FAM131B: variants seen among roughly 807,000 people sequenced by gnomAD.
FAM131B encodes the protein protein FAM131B.
In FAM131B, 19 loss-of-function variants were observed where a neutral mutation model predicts 42.0. That is an observed-to-expected ratio of 0.45 (90% CI 0.32 to 0.66). FAM131B has a LOEUF of 0.66. Ranked by LOEUF, FAM131B falls within the 30% of genes least tolerant of loss-of-function variation. The pLI, the probability that FAM131B is intolerant of heterozygous loss-of-function variation, is 0.05. For synonymous variants in FAM131B, 183 were observed against 177.6 expected, an observed-to-expected ratio of 1.03 and a Z score of -0.24; for missense variants, 370 against 468.4, an observed-to-expected ratio of 0.79 and a Z score of 1.94.
rs1803643943 is a variant in FAM131B at position 143,356,286 on chromosome 7, C to T, written c.*264G>A. ...CTTTGTCGGCACAGACCCAGAAGCCCACAGCCCAGGTCCTTCTCCACAGCC... is the reference window on the plus strand; with the variant it reads ...CTTTGTCGGCACAGACCCAGAAGCCTACAGCCCAGGTCCTTCTCCACAGCC... On this transcript the variant is annotated 3_prime_UTR_variant, in exon 7 of 7. Transcript: ENST00000443739. This position sits in a 1 kb window ranked among gnomAD's most constrained non-coding sequence, Gnocchi z 4.4. 7 of 488,206 alleles carry T rather than the reference C, an allele frequency of 1.4e-5. No homozygotes were observed. The allele number at this position is 488,206 out of a possible 1,614,324, so 30.2% of individuals were successfully genotyped here. A position where few individuals can be genotyped will look rare whatever the true frequency, so the allele number is the denominator to read the frequency against.
At chr7:143,378,148 C>T in the FAM131B span, among the ~76,000 whole-genome samples, 1 of 152,248 alleles carries the variant, frequency 6.6e-6, no homozygotes, top group East Asian at 1.9e-4. Flanking sequence ...GAATGCTTCA[C>T]GTGGTCCCTG....
At chr7:143,377,154 T>G in the FAM131B span, among the ~76,000 whole-genome samples, 3 of 152,056 alleles carry the variant, frequency 2.0e-5, no homozygotes, top group Non-Finnish European at 4.4e-5. Flanking sequence ...ACGGGGTTTC[T>G]CCATGTTGGC....
chr7:143,364,776 G>T (rs1364509575), upstream of FAM131B, among the ~76,000 whole-genome samples: 1 of 152,156 alleles, frequency 6.6e-6, no homozygotes, highest in Non-Finnish European at 1.5e-5. Flanking sequence ...TAAGGCCATT[G>T]TCCCAGTCTC....
At chr7:143,373,725 AG>A in the FAM131B span, among the ~76,000 whole-genome samples, 1 of 152,184 alleles carries the variant, frequency 6.6e-6, no homozygotes, top group African/African-American at 2.4e-5. Flanking sequence ...CCAGGGACCA[AG>A]GTGTAGCAGG....
At position 143,356,867 on chromosome 7, in the gene FAM131B, A is replaced by C; in HGVS notation, c.766T>G (p.Ser256Ala). Residue 256 changes from serine to alanine, a missense_variant, in exon 7 of 7, where the codon TCA becomes GCA. Ser to Ala is a moderately conservative substitution (Grantham distance 99). Transcript: ENST00000443739. The surrounding 1 kb of genome is among the most constrained non-coding windows in gnomAD (Gnocchi z 4.4). ...GSYLGPAFDD[S>A]QPSLHEMGPS... ...CCCATTTCATGCAAGCTGGGTTGTGAGTCATCAAATGCAGGCCCAAGATAG... is the reference window on the plus strand; with the variant it reads ...CCCATTTCATGCAAGCTGGGTTGTGCGTCATCAAATGCAGGCCCAAGATAG... 1 of 1,614,142 alleles carries C rather than the reference A, an allele frequency of 6.2e-7. No individual in the cohort carries two copies. Among genetic ancestry groups the C allele is most frequent in the South Asian group, 1.1e-5 (1 of 91,086 alleles).
chr7:143,370,261 C>T, the FAM131B span, among the ~76,000 whole-genome samples: 1 of 152,162 alleles, frequency 6.6e-6, no homozygotes, highest in Admixed American at 6.5e-5. Context: ...GAAAGAGCTG[C>T]CGGCACTCAT....
upstream of FAM131B, among the ~76,000 whole-genome samples, chr7:143,367,434 C>T (rs539648747): frequency 3.3e-5 from 5 of 152,262 alleles, no homozygotes; most frequent in East Asian, 3.9e-4. Context: ...TCTCTGGGCA[C>T]GGTGGCCCAC....
chr7:143,372,176 T>C, the FAM131B span, among the ~76,000 whole-genome samples: 2 of 152,176 alleles, frequency 1.3e-5, no homozygotes, highest in Admixed American at 1.3e-4. Context: ...CCATGGAGTT[T>C]ACAATGAGAT....
the FAM131B span, among the ~76,000 whole-genome samples, chr7:143,377,329 A>G: frequency 6.6e-6 from 1 of 152,248 alleles, no homozygotes. Flanking sequence ...TATAGCTTGC[A>G]TATACAAAAT....
In FAM131B at chr7:143,354,390, A is replaced by C. The variant is rs1331399957; in HGVS notation, c.*2160T>G. ...ACTGTAATGAATGAACGCACTCACTAGGTGAGCTGTCCACCGTGGTCTGGG... is the reference window on the plus strand; with the variant it reads ...ACTGTAATGAATGAACGCACTCACTCGGTGAGCTGTCCACCGTGGTCTGGG... On this transcript the variant is annotated 3_prime_UTR_variant, in exon 7 of 7. Transcript: ENST00000443739. 6.6e-6 allele frequency: 1 copy of C among 152,234 alleles called. No individual in the cohort carries two copies. The highest frequency in any genetic ancestry group is 1.9e-4 in the East Asian group (1 of 5,188). The allele number at this position is 152,234 out of a possible 1,614,324, so 9.4% of individuals were successfully genotyped here. A position where few individuals can be genotyped will look rare whatever the true frequency, so the allele number is the denominator to read the frequency against.
chr7:143,364,452 T>C (rs1804133120), upstream of FAM131B, among the ~76,000 whole-genome samples: 1 of 152,204 alleles, frequency 6.6e-6, no homozygotes, highest in Non-Finnish European at 1.5e-5. Flanking sequence ...TGTCTCCTTA[T>C]GGCTCTCCCT....
At position 143,359,323 on chromosome 7, in the gene FAM131B, C is replaced by T. The variant is rs770062799; in HGVS notation, c.268+3G>A. 1.9e-6 allele frequency: 3 copies of T among 1,608,458 alleles called. No individual in the cohort carries two copies. Among genetic ancestry groups the T allele is most frequent in the East Asian group, 4.5e-5 (2 of 44,844 alleles). On this transcript the variant is annotated splice_donor_region_variant and intron_variant, in intron 4 of 6. Coordinates refer to ENST00000443739, the MANE Select transcript of FAM131B (RefSeq NM_001031690.3). The surrounding 1 kb of genome is among the most constrained non-coding windows in gnomAD (Gnocchi z 5.4). The stretch of plus-strand genomic sequence containing the variant: ...GAAGGCATTCTTACATCAGGAGTCT[C>T]ACCTGAGAATGATGACTTGGCCAGG...
At chr7:143,379,592 A>AAAG in the FAM131B span, 1 of 152,258 alleles carries the variant, frequency 6.6e-6, no homozygotes, top group Non-Finnish European at 1.5e-5. Flanking sequence ...GGCAACCCAG[A>AAAG]AAGGGACATA....
the FAM131B span, chr7:143,381,270 G>T: frequency 9.5e-7 from 1 of 1,048,936 alleles, no homozygotes; most frequent in Middle Eastern, 3.2e-4. Context: ...CTCTCTCCCC[G>T]CCCCCTCTCT....
chr7:143,366,319 T>G (rs973039305), upstream of FAM131B, among the ~76,000 whole-genome samples: 1 of 152,180 alleles, frequency 6.6e-6, no homozygotes, highest in African/African-American at 2.4e-5. Flanking sequence ...TCTTTGGTGC[T>G]TTCATAAAAT....
Position 143,360,074 on chromosome 7 carries a change from A to T in FAM131B, c.104T>A (p.Leu35Gln). 1 of 1,613,964 alleles carries T rather than the reference A, an allele frequency of 6.2e-7. No homozygotes were observed. The highest frequency in any genetic ancestry group is 8.5e-7 in the Non-Finnish European group (1 of 1,179,914). ...DQINMDSTSSLHGSSLHRPST... is the reference protein window; with the variant it reads ...DQINMDSTSSQHGSSLHRPST... ...TGGCCGATGGAGGCTGCTCCCGTGC[A>T]GTGAGCTGGTGCTGTCCATGTTGAT... The change falls in exon 2 of 7, where the codon CTG becomes CAG. Residue 35 changes from leucine (L) to glutamine (Q), a missense_variant. Leu to Gln is a moderately radical substitution (Grantham distance 113). Transcript: ENST00000443739.
the FAM131B span, among the ~76,000 whole-genome samples, chr7:143,377,511 G>A: frequency 6.6e-6 from 1 of 151,978 alleles, no homozygotes; most frequent in Non-Finnish European, 1.5e-5. Flanking sequence ...GAGAAGTGAT[G>A]GAATACAAGG....
chr7:143,356,365 G>A lies in FAM131B; in HGVS notation c.*185C>T. 1.7e-6 allele frequency: 1 copy of A among 590,398 alleles called. No individual in the cohort carries two copies. The allele number at this position is 590,398 out of a possible 1,614,324, so 36.6% of individuals were successfully genotyped here. ...CAGGTCTCAGTTCCCAGGCCTGTGG[G>A]TTTCTAGAGTGTAAGCCTGGATAAA... is the stretch of plus-strand genomic sequence containing the variant. On this transcript the variant is annotated 3_prime_UTR_variant, in exon 7 of 7. Transcript: ENST00000443739. This position sits in a 1 kb window ranked among gnomAD's most constrained non-coding sequence, Gnocchi z 4.4.
the FAM131B span, among the ~76,000 whole-genome samples, chr7:143,369,818 G>C: frequency 6.6e-6 from 1 of 152,072 alleles, no homozygotes; most frequent in Non-Finnish European, 1.5e-5. Flanking sequence ...CTTAATCCTA[G>C]TGTATAGGTT....
Sources: gnomAD v4.1 joint callset for allele counts (sites outside exome capture counted in the v4.1 genomes callset) on GRCh38, gnomAD v4.1.1 for gene constraint, Gnocchi (gnomAD v3.1) non-coding constraint, MANE v1.5 for transcripts, NCBI Gene and HGNC (gene_info 2026-07-23, HGNC 2026-07-21) for gene names.